The following CDK11A variants were observed in gnomAD, a reference collection of about 807,000 sequenced individuals.
CDK11A encodes the protein cyclin-dependent kinase 11A.
Under a neutral mutation model 83.6 loss-of-function variants are expected in CDK11A, and 55 were observed. The observed-to-expected ratio is 0.66, with a 90% CI of 0.53 to 0.82. The LOEUF is 0.82. Among genes scored for constraint, CDK11A ranks in the 40% least tolerant of loss-of-function variants. CDK11A has a pLI of 0.00. For missense variants in CDK11A, 564 were observed against 810.1 expected, an observed-to-expected ratio of 0.70 and a Z score of 3.69; for synonymous variants, 247 against 302.7, an observed-to-expected ratio of 0.82 and a Z score of 1.91.
intron 11 of CDK11A, among the ~76,000 whole-genome samples, chr1:1,706,111 C>T (rs918544890): frequency 1.5e-4 from 23 of 150,718 alleles, no homozygotes; most frequent in African/African-American, 5.6e-4. Flanking sequence ...CTCGCTCTGT[C>T]ACCCAGGCTG....
intron 11 of CDK11A, among the ~76,000 whole-genome samples, chr1:1,706,319 C>T (rs1200453635): frequency 9.3e-5 from 14 of 151,206 alleles, no homozygotes; most frequent in Non-Finnish European, 1.8e-4. Context: ...ATCCGCCCAC[C>T]GCCTCGGCCT....
intron 2 of CDK11A, among the ~76,000 whole-genome samples, chr1:1,722,301 C>T (rs1644935416): frequency 6.7e-6 from 1 of 150,368 alleles, no homozygotes; most frequent in Non-Finnish European, 1.5e-5. Context: ...TTTGCCAATG[C>T]CTCTTACCAA....
At position 1,704,078 on chromosome 1, in the gene CDK11A, G is replaced by C. The variant is rs1393635627; in HGVS notation, c.1755C>G (p.Thr585=). 8 of 1,597,216 alleles carry C rather than the reference G, an allele frequency of 5.0e-6. 1 individual carries two copies. In the East Asian group the frequency reaches 1.6e-4, roughly 31 times the overall value. The stretch of plus-strand genomic sequence containing the variant: ...GCAGCTCTGGGGCGCGGTACCACTG[G>C]GTCACCACGACCGGGGTGTAGGCCT... ...PLKAYTPVVV[T]QWYRAPELLL... Residue 585 remains threonine (T), a synonymous_variant, in exon 16 of 20, where the codon ACC becomes ACG. Transcript: ENST00000404249.
chr1:1,716,814 C>CAAAAAAAAAAAAAAAA (rs1168780288), intron 4 of CDK11A, among the ~76,000 whole-genome samples: 8 of 76,720 alleles, frequency 1.0e-4, no homozygotes, highest in East Asian at 7.6e-4. Flanking sequence ...GACTCCATCT[C>CAAAAAAAAAAAAAAAA]AAAAAAAAAA....
chr1:1,704,187 G>T, intron 15 of CDK11A, 36 bp downstream of exon 15: 1 of 1,608,084 alleles, frequency 6.2e-7, no homozygotes, highest in South Asian at 1.1e-5. Flanking sequence ...GCCTGGGCGG[G>T]TCACCCTGGG....
In CDK11A at chr1:1,716,801, T is replaced by G. The variant is rs1312343185; in HGVS notation, c.356-323A>C. The stretch of plus-strand genomic sequence containing the variant: ...CTGCACTCCAGCCTGGGCGAAAAAG[T>G]GAGACTCCATCTCAAAAAAAAAAAA... On this transcript the variant is annotated intron_variant, in intron 4 of 19. Coordinates refer to ENST00000404249, the MANE Select transcript of CDK11A (RefSeq NM_024011.4). Among the ~76,000 whole-genome samples, 2 of 89,062 alleles carry G rather than the reference T, an allele frequency of 2.2e-5. 1 individual carries two copies. Among genetic ancestry groups the G allele is most frequent in the Non-Finnish European group, 3.7e-5 (2 of 53,898 alleles). 58.4% of individuals were successfully genotyped at this position (89,062 alleles called of 152,430 possible).
Position 1,702,642 on chromosome 1 carries a change from C to T in CDK11A, c.*265G>A, listed in dbSNP as rs1157143335. ...ACGGCCCAGCCAGCCCCGTGCGTGT[C>T]GAGAGTGGGAGAGGGTGTGTGGAGG... On this transcript the variant is annotated 3_prime_UTR_variant, in exon 20 of 20. Transcript: ENST00000404249. 1.9e-4 allele frequency: 105 copies of T among 545,588 alleles called. No homozygotes were observed. The highest frequency in any genetic ancestry group is 1.5e-3 in the South Asian group (74 of 48,316). The allele number at this position is 545,588 out of a possible 1,614,324, so 33.8% of individuals were successfully genotyped here.
Position 1,716,536 on chromosome 1 carries a change from G to A in CDK11A, c.356-58C>T, listed in dbSNP as rs548105256. ...CTCACTTCAAAAATTTCACGAGGCC[G>A]GGCACGGTGGCTTACGCCTGTAATC... On this transcript the variant is annotated intron_variant, in intron 4 of 19. Coordinates refer to ENST00000404249, the MANE Select transcript of CDK11A (RefSeq NM_024011.4). 49 of 1,556,042 alleles carry A rather than the reference G, an allele frequency of 3.1e-5. 3 individuals carry two copies. Among genetic ancestry groups the A allele is most frequent in the South Asian group, 3.0e-4 (27 of 88,894 alleles).
chr1:1,723,258 A>G (rs1644974270), intron 1 of CDK11A, among the ~76,000 whole-genome samples: 1 of 87,142 alleles, frequency 1.1e-5, no homozygotes, highest in African/African-American at 3.6e-5. Context: ...AAAAAAAGGT[A>G]AGCTCTAGGC....
At chr1:1,706,703 A>G (rs974803717) in intron 11 of CDK11A, among the ~76,000 whole-genome samples, 1 of 151,312 alleles carries the variant, frequency 6.6e-6, no homozygotes, top group Non-Finnish European at 1.5e-5. Flanking sequence ...GCCGGTGCCC[A>G]GGCCGGATGT....
chr1:1,716,079 T>C (rs28399932), intron 5 of CDK11A, among the ~76,000 whole-genome samples: 85 of 150,836 alleles, frequency 5.6e-4, no homozygotes, highest in Middle Eastern at 3.4e-3. Flanking sequence ...CGTGAGCCAC[T>C]GCGCCCGGCG....
At position 1,724,356 on chromosome 1, in the gene CDK11A, A is replaced by G. The variant is rs1645023137; in HGVS notation, c.-112T>C. On this transcript the variant is annotated 5_prime_UTR_variant, in exon 1 of 20. Coordinates refer to ENST00000404249, the MANE Select transcript of CDK11A (RefSeq NM_024011.4). ...TCCTGTGTTGACGCCTAATGATGATATAATAGCCGACCTCTGGCCCAGAAC... is the reference window on the plus strand; with the variant it reads ...TCCTGTGTTGACGCCTAATGATGATGTAATAGCCGACCTCTGGCCCAGAAC... The G allele has an allele frequency of 6.6e-6, 1 of 151,596 alleles. No individual in the cohort carries two copies. The highest frequency in any genetic ancestry group is 2.4e-5 in the African/African-American group (1 of 41,280). The allele number at this position is 151,596 out of a possible 1,614,324, so 9.4% of individuals were successfully genotyped here.
chr1:1,718,215 G>A (rs1644753517), intron 4 of CDK11A, among the ~76,000 whole-genome samples: 1 of 142,794 alleles, frequency 7.0e-6, no homozygotes, highest in Admixed American at 7.1e-5. Flanking sequence ...TCTCTCTATA[G>A]CCCTTCTGAA....
At chr1:1,715,680 T>G (rs1644608701) in intron 5 of CDK11A, among the ~76,000 whole-genome samples, 1 of 151,252 alleles carries the variant, frequency 6.6e-6, no homozygotes, top group Non-Finnish European at 1.5e-5. Context: ...GCACACGCCC[T>G]TCCGCTTCAG....
At chr1:1,706,785 C>T (rs1644328843) in intron 11 of CDK11A, among the ~76,000 whole-genome samples, 1 of 150,746 alleles carries the variant, frequency 6.6e-6, no homozygotes, top group African/African-American at 2.4e-5. Context: ...GCTCACAAGG[C>T]ATAGGGCAGT....
In CDK11A at chr1:1,718,985, C is replaced by T. The variant is rs112024740; in HGVS notation, c.355+343G>A. On this transcript the variant is annotated intron_variant, in intron 4 of 19. Transcript: ENST00000404249. ...GCCCTTCTGAATGGTCTGTGACACA[C>T]GCATGCTTTCAGCTAGAGTTTGCTC... Among the ~76,000 whole-genome samples the T allele has an allele frequency of 1.5e-4, 22 of 150,932 alleles. No homozygotes were observed. In the East Asian group the frequency reaches 2.1e-3, roughly 15 times the overall value.
chr1:1,703,806 C>G lies in CDK11A; in HGVS notation c.1911+18G>C, dbSNP rs556452127. 2 of 1,608,780 alleles carry G rather than the reference C, an allele frequency of 1.2e-6. No homozygotes were observed. Among genetic ancestry groups the G allele is most frequent in the Non-Finnish European group, 1.7e-6 (2 of 1,176,428 alleles). On this transcript the variant is annotated intron_variant, in intron 17 of 19. Transcript: ENST00000404249. ...TCCTCTGAAATCCATAGCGCACCTG[C>G]GGCAGGGCCAGACCCACCTTGAACA...
chr1:1,718,966 C>T (rs528286089), intron 4 of CDK11A, among the ~76,000 whole-genome samples: 2 of 150,730 alleles, frequency 1.3e-5, no homozygotes, highest in African/African-American at 4.9e-5. Context: ...TATAGCCCTT[C>T]TGAATGGTCT....
intron 13 of CDK11A, 102 bp from the exon 14 acceptor site, chr1:1,704,757 C>T: frequency 6.3e-7 from 1 of 1,599,082 alleles, no homozygotes; most frequent in Non-Finnish European, 8.5e-7. Flanking sequence ...CCGGTGCCAC[C>T]CGGGAGGCAA....
Sources: gnomAD v4.1 joint callset for allele counts (sites outside exome capture counted in the v4.1 genomes callset) on GRCh38, gnomAD v4.1.1 for gene constraint, MANE v1.5 for transcripts, NCBI Gene and HGNC (gene_info 2026-07-23, HGNC 2026-07-21) for gene names.